Variants in ZNF532 observed in about 807,000 individuals in gnomAD.
ZNF532 encodes the protein zinc finger protein 532.
A neutral mutation model predicts 89.3 loss-of-function variants in ZNF532; 22 were observed. The observed-to-expected ratio is 0.25, with a 90% CI of 0.18 to 0.35. The LOEUF (loss-of-function observed/expected upper bound fraction) is 0.35. Among genes scored for constraint, ZNF532 ranks in the 10% least tolerant of loss-of-function variants. The pLI is 1.00. For missense variants in ZNF532, 1,132 were observed against 1,643.4 expected (o/e 0.69, Z 5.38); for synonymous variants, 606 against 649.6 (o/e 0.93, Z 1.02).
intron 7 of ZNF532, among the ~76,000 whole-genome samples, chr18:58,972,833 C>G (rs1177123266): frequency 6.6e-6 from 1 of 152,210 alleles, no homozygotes; most frequent in Non-Finnish European, 1.5e-5. Context: ...ATTTGTTACT[C>G]CATGATTACT....
In ZNF532 at chr18:58,894,246, CTT is replaced by C. The variant is rs1422696288; in HGVS notation, c.-17-24024_-17-24023del. On this transcript the variant is annotated intron_variant, in intron 2 of 9. Coordinates refer to ENST00000591808, the MANE Select transcript of ZNF532 (RefSeq NM_001375912.1). ...TTGGGAGGCCAAGGTGAGCAGATAACTTGAGGTCAGGAGTTTGAGACCAGCCC... is the reference window on the plus strand; with the variant it reads ...TTGGGAGGCCAAGGTGAGCAGATAACGAGGTCAGGAGTTTGAGACCAGCCC... Among the ~76,000 whole-genome samples the C allele has an allele frequency of 4.6e-5, 7 of 152,222 alleles. No individual in the cohort carries two copies. The East Asian group carries it at 1.4e-3, about 29-fold the overall frequency.
intron 5 of ZNF532, among the ~76,000 whole-genome samples, chr18:58,942,818 G>A (rs1414733193): frequency 1.3e-5 from 2 of 152,212 alleles, no homozygotes. Context: ...TTCCCCAGCA[G>A]TATTTGTTTA....
At chr18:58,927,443 T>C (rs556844483) in intron 3 of ZNF532, among the ~76,000 whole-genome samples, 18 of 152,100 alleles carry the variant, frequency 1.2e-4, no homozygotes, top group African/African-American at 4.3e-4. Flanking sequence ...AGGCTTTTCT[T>C]GGGAATTTTT....
intron 2 of ZNF532, among the ~76,000 whole-genome samples, chr18:58,884,417 G>A (rs1342609711): frequency 6.6e-6 from 1 of 152,202 alleles, no homozygotes; most frequent in African/African-American, 2.4e-5. Context: ...ATGAGAAGAA[G>A]CAGCGACTAT....
intron 3 of ZNF532, among the ~76,000 whole-genome samples, chr18:58,930,133 T>C (rs2061827803): frequency 6.6e-6 from 1 of 152,220 alleles, no homozygotes; most frequent in South Asian, 2.1e-4. Flanking sequence ...CCCAGGCTAC[T>C]TTTCTGCCTA....
Position 58,920,017 on chromosome 18 carries a change from A to G in ZNF532, c.1730A>G (p.Gln577Arg). 6.2e-7 allele frequency: 1 copy of G among 1,613,818 alleles called. No homozygotes were observed. Among genetic ancestry groups the G allele is most frequent in the Non-Finnish European group, 8.5e-7 (1 of 1,179,784 alleles). ...CGAGTCCAGGTGGTGTCGTCCTTGC[A>G]GAGTTCTGTGGTGGAAGCTTTCAAC... ...VSRVQVVSSLQSSVVEAFNKV... is the reference protein window; with the variant it reads ...VSRVQVVSSLRSSVVEAFNKV... The change falls in exon 3 of 10, where the codon CAG becomes CGG. Residue 577 changes from glutamine to arginine, a missense_variant. Gln to Arg is a conservative substitution (Grantham distance 43). Coordinates refer to ENST00000591808, the MANE Select transcript of ZNF532 (RefSeq NM_001375912.1).
upstream of ZNF532, chr18:58,863,431 G>A (rs1332486608): frequency 1.7e-4 from 3 of 18,106 alleles, no homozygotes; most frequent in South Asian, 1.5e-3. Context: ...CCCGGTCCCG[G>A]AGCTCCCTTC....
At chr18:58,969,700 T>C (rs981209312) in intron 7 of ZNF532, among the ~76,000 whole-genome samples, 1 of 152,138 alleles carries the variant, frequency 6.6e-6, no homozygotes, top group Admixed American at 6.5e-5. Flanking sequence ...TGTTTGCTTG[T>C]TTACTTTTTA....
At chr18:58,942,756 T>G (rs995528257) in intron 5 of ZNF532, among the ~76,000 whole-genome samples, 1 of 152,218 alleles carries the variant, frequency 6.6e-6, no homozygotes, top group African/African-American at 2.4e-5. Flanking sequence ...CCATCTCTAT[T>G]CTGTTTACAT....
intron 7 of ZNF532, among the ~76,000 whole-genome samples, chr18:58,959,258 TTG>T (rs1491493367): frequency 4.2e-5 from 6 of 144,074 alleles, no homozygotes; most frequent in Admixed American, 2.8e-4. Flanking sequence ...TTTTTGTTTT[TTG>T]TTTTTTTTTG....
At chr18:58,931,088 GAAATT>G (rs1222698980) in intron 3 of ZNF532, among the ~76,000 whole-genome samples, 2 of 152,138 alleles carry the variant, frequency 1.3e-5, no homozygotes, top group African/African-American at 4.8e-5. Flanking sequence ...CCCTAGAATA[GAAATT>G]AACTTTATTA....
At position 58,918,637 on chromosome 18, in the gene ZNF532, C is replaced by T. The variant is rs1172547841; in HGVS notation, c.350C>T (p.Ser117Phe). The change falls in exon 3 of 10, where the codon TCT (serine) becomes TTT (phenylalanine). Residue 117 changes from serine (S) to phenylalanine (F), a missense_variant. This residue lies in a region of ZNF532 where 302 missense variants were observed against 319.8 expected (regional missense o/e 0.94). Transcript: ENST00000591808. ...TCCTTGAAAGGAGATGTGCCTGCCT[C>T]TGAGGTGACACTGAAAGACTCGACA... ...AKSLKGDVPA[S>F]EVTLKDSTFS... The T allele has an allele frequency of 6.2e-7, 1 of 1,614,184 alleles. No individual in the cohort carries two copies. Among genetic ancestry groups the T allele is most frequent in the South Asian group, 1.1e-5 (1 of 91,082 alleles).
chr18:58,878,658 GCA>G (rs1326026393), intron 2 of ZNF532, among the ~76,000 whole-genome samples: 2 of 152,354 alleles, frequency 1.3e-5, no homozygotes, highest in African/African-American at 4.8e-5. Context: ...ATTGGGAGAG[GCA>G]GTAGCTCCTT....
intron 7 of ZNF532, among the ~76,000 whole-genome samples, chr18:58,974,216 C>T (rs991254779): frequency 3.9e-5 from 6 of 152,224 alleles, no homozygotes; most frequent in African/African-American, 1.4e-4. Context: ...GAAGTCTTAA[C>T]TCCTAAGTTT....
At position 58,955,952 on chromosome 18, in the gene ZNF532, A is replaced by AT. The variant is rs58230150; in HGVS notation, c.3150+2154dup. ...TCACTTGGCACCCCTACCAGATTGC[A>AT]TAAGAGTCAAACAGGAGCTGGCCTT... On this transcript the variant is annotated intron_variant, in intron 7 of 9. Transcript: ENST00000591808. 9.1e-3 allele frequency among the ~76,000 whole-genome samples: 1,380 copies of AT among 152,336 alleles called. 28 individuals carry two copies. The highest frequency in any genetic ancestry group is 0.031 in the African/African-American group (1,292 of 41,568).
chr18:58,899,696 C>T (rs369929784), intron 2 of ZNF532, among the ~76,000 whole-genome samples: 2 of 152,052 alleles, frequency 1.3e-5, no homozygotes, highest in African/African-American at 2.4e-5. Context: ...CTCAATCTCT[C>T]GACTTCATGA....
chr18:58,897,803 A>G (rs1398801214), intron 2 of ZNF532, among the ~76,000 whole-genome samples: 2 of 152,174 alleles, frequency 1.3e-5, no homozygotes, highest in African/African-American at 4.8e-5. Flanking sequence ...AAATATGAAA[A>G]TTAGCCAGGA....
chr18:58,949,455 T>C (rs1271092714), intron 6 of ZNF532, among the ~76,000 whole-genome samples: 1 of 152,150 alleles, frequency 6.6e-6, no homozygotes, highest in Non-Finnish European at 1.5e-5. Flanking sequence ...TCCCAGCACT[T>C]TGGGAGGCCA....
chr18:58,865,642 C>T (rs529783176), intron 2 of ZNF532, 63 bp downstream of exon 2: 10 of 152,600 alleles, frequency 6.6e-5, no homozygotes, highest in South Asian at 2.1e-4. Context: ...TAGACACAGA[C>T]GGACCGTGGA....
Sources: allele counts gnomAD v4.1 joint callset (sites outside exome capture counted in the v4.1 genomes callset), GRCh38; gene constraint gnomAD v4.1.1; regional missense constraint gnomAD v4.1.1; transcripts MANE v1.5; gene names NCBI Gene and HGNC (gene_info 2026-07-23, HGNC 2026-07-21).